TGFA: variants seen among roughly 807,000 people sequenced by gnomAD.
The protein encoded by TGFA is transforming growth factor alpha, also known as protransforming growth factor alpha.
A neutral mutation model predicts 21.7 loss-of-function variants in TGFA; 12 were observed. The observed-to-expected ratio is 0.55, with a 90% CI of 0.35 to 0.90. TGFA has a LOEUF of 0.90. TGFA is among the 40% of genes least tolerant of loss of function. TGFA has a pLI of 0.01. For synonymous variants in TGFA, 79 were observed against 88.1 expected, an observed-to-expected ratio of 0.90 and a Z score of 0.58; for missense variants, 178 against 210.8, an observed-to-expected ratio of 0.84 and a Z score of 0.96.
intron 2 of TGFA, among the ~76,000 whole-genome samples, chr2:70,502,381 C>A (rs1227643460): frequency 6.6e-6 from 1 of 152,098 alleles, no homozygotes; most frequent in African/African-American, 2.4e-5. Context: ...ACTCTATTGC[C>A]CAGGCTGGAG....
intron 1 of TGFA, among the ~76,000 whole-genome samples, chr2:70,552,255 G>A (rs1553506927): frequency 6.6e-6 from 1 of 152,164 alleles, no homozygotes; most frequent in Non-Finnish European, 1.5e-5. Flanking sequence ...TCCGGTTGGT[G>A]TGAAAACTGC....
At chr2:70,540,005 C>T (rs781899775) in intron 1 of TGFA, among the ~76,000 whole-genome samples, 1 of 152,112 alleles carries the variant, frequency 6.6e-6, no homozygotes, top group Non-Finnish European at 1.5e-5. Context: ...CCTCATGACC[C>T]GGCCCAATTC....
intron 2 of TGFA, among the ~76,000 whole-genome samples, chr2:70,488,545 C>T (rs1046250119): frequency 6.6e-6 from 1 of 152,150 alleles, no homozygotes; most frequent in Non-Finnish European, 1.5e-5. Flanking sequence ...GTACCAGCAC[C>T]AAAGCATTTA....
At chr2:70,450,958 A>G in intron 5 of TGFA, 92 bp from the exon 6 acceptor site, 3 of 1,473,952 alleles carry the variant, frequency 2.0e-6, no homozygotes, top group South Asian at 1.2e-5. Context: ...GAGATGGCAG[A>G]GCCAATGTCA....
At chr2:70,488,744 T>C (rs546602633) in intron 2 of TGFA, among the ~76,000 whole-genome samples, 1 of 152,354 alleles carries the variant, frequency 6.6e-6, no homozygotes, top group South Asian at 2.1e-4. Context: ...GACATTATAA[T>C]TATACATCAA....
At chr2:70,499,974 T>G (rs1671687612) in intron 2 of TGFA, among the ~76,000 whole-genome samples, 1 of 152,260 alleles carries the variant, frequency 6.6e-6, no homozygotes, top group African/African-American at 2.4e-5. Context: ...GAAATTGATT[T>G]GAATAATGTA....
intron 1 of TGFA, among the ~76,000 whole-genome samples, chr2:70,527,313 A>G (rs963232286): frequency 6.6e-6 from 1 of 152,252 alleles, no homozygotes; most frequent in South Asian, 2.1e-4. Flanking sequence ...GCTTAAATAC[A>G]TATTACTGCA....
intron 1 of TGFA, among the ~76,000 whole-genome samples, chr2:70,522,101 C>G (rs1553502398): frequency 6.6e-6 from 1 of 152,248 alleles, no homozygotes; most frequent in Non-Finnish European, 1.5e-5. Flanking sequence ...TGTCTCTCCT[C>G]TCTAGTGCGG....
intron 5 of TGFA, chr2:70,451,859 C>T: frequency 3.0e-6 from 2 of 658,818 alleles, no homozygotes; most frequent in Non-Finnish European, 5.4e-6. Flanking sequence ...TCATCAGACT[C>T]AGTTTACCCA....
At chr2:70,510,310 C>T (rs1438133196) in intron 2 of TGFA, among the ~76,000 whole-genome samples, 4 of 152,188 alleles carry the variant, frequency 2.6e-5, no homozygotes, top group South Asian at 2.1e-4. Flanking sequence ...GTGTCAGTGA[C>T]ACTACCACTT....
chr2:70,468,144 C>A (rs1015956661), intron 2 of TGFA, among the ~76,000 whole-genome samples: 2 of 152,220 alleles, frequency 1.3e-5, no homozygotes, highest in African/African-American at 4.8e-5. Flanking sequence ...TGAATATCCA[C>A]GTGATAAAAC....
chr2:70,490,455 T>C (rs1238410159), intron 2 of TGFA, among the ~76,000 whole-genome samples: 4 of 152,188 alleles, frequency 2.6e-5, no homozygotes, highest in African/African-American at 9.7e-5. Context: ...GCACTGGAAA[T>C]TTCAGTCGGA....
At chr2:70,474,047 C>A (rs749283126) in intron 2 of TGFA, among the ~76,000 whole-genome samples, 36 of 152,186 alleles carry the variant, frequency 2.4e-4, no homozygotes, top group Non-Finnish European at 4.9e-4. Context: ...CCTAATTCTT[C>A]AGTGATCTTT....
intron 2 of TGFA, among the ~76,000 whole-genome samples, chr2:70,496,616 TG>T (rs1553498384): frequency 6.6e-6 from 1 of 152,216 alleles, no homozygotes; most frequent in African/African-American, 2.4e-5. Context: ...TGAAACTCTC[TG>T]GGGCTCAGTT....
intron 2 of TGFA, among the ~76,000 whole-genome samples, chr2:70,477,639 C>G (rs1553494696): frequency 1.3e-5 from 2 of 152,138 alleles, no homozygotes; most frequent in African/African-American, 4.8e-5. Context: ...GTAACATGCT[C>G]CACTTGCAGG....
intron 3 of TGFA, among the ~76,000 whole-genome samples, chr2:70,460,472 A>G (rs977884391): frequency 1.3e-5 from 2 of 152,062 alleles, no homozygotes; most frequent in African/African-American, 4.8e-5. Context: ...GGGAAGAGTC[A>G]CCTCACCTGG....
At chr2:70,498,852 C>A (rs1553498694) in intron 2 of TGFA, among the ~76,000 whole-genome samples, 1 of 152,126 alleles carries the variant, frequency 6.6e-6, no homozygotes, top group East Asian at 1.9e-4. Context: ...GTGTTAGAGT[C>A]AGGATTCAAG....
chr2:70,514,846 C>T lies in TGFA; in HGVS notation c.94+13G>A. The T allele has an allele frequency of 6.2e-7, 1 of 1,613,792 alleles. No homozygotes were observed. Among genetic ancestry groups the T allele is most frequent in the East Asian group, 2.2e-5 (1 of 44,874 alleles). ...CCACACACGATCCACACACCCACGG[C>T]AGCTGCACTCACCACTCAGCGGGGA... On this transcript the variant is annotated intron_variant, in intron 2 of 5. Coordinates refer to ENST00000295400, the MANE Select transcript of TGFA (RefSeq NM_003236.4).
chr2:70,479,478 G>T (rs1671043860), intron 2 of TGFA, among the ~76,000 whole-genome samples: 2 of 152,120 alleles, frequency 1.3e-5, no homozygotes, highest in South Asian at 4.1e-4. Context: ...TTTGCAATGA[G>T]AACTGGTTAA....
Sources: gnomAD v4.1 joint callset for allele counts (sites outside exome capture counted in the v4.1 genomes callset) on GRCh38, gnomAD v4.1.1 for gene constraint, MANE v1.5 for transcripts, NCBI Gene and HGNC (gene_info 2026-07-23, HGNC 2026-07-21) for gene names.